TLE2: variants seen among roughly 807,000 people sequenced by gnomAD.
The protein encoded by TLE2 is TLE family member 2, transcriptional corepressor.
Under a neutral mutation model 97.2 loss-of-function variants are expected in TLE2, and 74 were observed. That is an observed-to-expected ratio of 0.76 (90% CI 0.63 to 0.92). TLE2 has a LOEUF of 0.92. Ranked by LOEUF, TLE2 falls within the 40% of genes least tolerant of loss-of-function variation. The pLI is 0.00. For missense variants in TLE2, 1,038 were observed against 1,008.7 expected (o/e 1.03, Z -0.39); for synonymous variants, 499 against 432.1 (o/e 1.15, Z -1.92).
At chr19:3,002,633 G>A (rs2089388512) in intron 17 of TLE2, 130 bp from the exon 18 acceptor site, 1 of 1,104,316 alleles carries the variant, frequency 9.1e-7, no homozygotes, top group African/African-American at 1.6e-5. Context: ...TGACCTCCAG[G>A]GCTCAAGAGA....
chr19:3,028,199 G>C (rs142034755), intron 3 of TLE2, 120 bp downstream of exon 3: 15,987 of 1,096,178 alleles, frequency 0.015, 130 homozygotes, highest in Non-Finnish European at 0.017. Context: ...ATCCCAACCT[G>C]CCCAATGTAC....
upstream of TLE2, chr19:3,029,558 C>T: frequency 8.9e-6 from 2 of 225,156 alleles, no homozygotes; most frequent in Non-Finnish European, 1.2e-5. Context: ...ACCGTGGGAG[C>T]GGGGGGGGGG....
intron 15 of TLE2, 49 bp downstream of exon 15, chr19:3,006,370 GC>G (rs921891785): frequency 7.6e-6 from 12 of 1,582,846 alleles, no homozygotes; most frequent in Non-Finnish European, 1.0e-5. Flanking sequence ...TGGAACATAA[GC>G]CCCACCCCTC....
intron 1 of TLE2, among the ~76,000 whole-genome samples, chr19:3,039,222 C>G (rs2090082760): frequency 9.3e-6 from 1 of 107,004 alleles, no homozygotes; most frequent in Non-Finnish European, 1.9e-5. Flanking sequence ...CCTTTCCCCA[C>G]TCCAAAAAAA....
At chr19:3,023,239 T>C (rs2089881239) in intron 5 of TLE2, among the ~76,000 whole-genome samples, 2 of 152,106 alleles carry the variant, frequency 1.3e-5, no homozygotes, top group Non-Finnish European at 2.9e-5. Flanking sequence ...GGTTTCACCA[T>C]ACTGGCCAGG....
intron 7 of TLE2, among the ~76,000 whole-genome samples, chr19:3,018,599 T>A (rs1955151433): frequency 6.6e-6 from 1 of 150,380 alleles, no homozygotes; most frequent in Non-Finnish European, 1.5e-5. Context: ...GGCTATCTAT[T>A]TTTATTTATT....
chr19:3,028,030 G>A (rs1424774097), intron 3 of TLE2, among the ~76,000 whole-genome samples, 157 bp from the exon 4 acceptor site: 2 of 152,020 alleles, frequency 1.3e-5, no homozygotes, highest in Non-Finnish European at 2.9e-5. Context: ...AGGAGGAAGC[G>A]GGGGCTCTGC....
chr19:3,005,401 A>G (rs763546813), intron 17 of TLE2, 36 bp downstream of exon 17: 2 of 1,608,116 alleles, frequency 1.2e-6, no homozygotes, highest in Admixed American at 1.7e-5. Context: ...GTATTCCTAG[A>G]GCTTCCATCC....
chr19:3,020,012 G>C (rs2089804537), intron 5 of TLE2: 2 of 572,228 alleles, frequency 3.5e-6, no homozygotes, highest in Non-Finnish European at 6.1e-6. Context: ...GCCGGGCATG[G>C]TGGCTCACGC....
At chr19:3,007,166 C>T (rs1485054520) in intron 14 of TLE2, among the ~76,000 whole-genome samples, 1 of 151,988 alleles carries the variant, frequency 6.6e-6, no homozygotes, top group African/African-American at 2.4e-5. Flanking sequence ...GGACTCACTG[C>T]AAACTCTGCT....
intron 1 of TLE2, among the ~76,000 whole-genome samples, chr19:3,035,590 A>G (rs1193208114): frequency 6.6e-6 from 1 of 151,452 alleles, no homozygotes; most frequent in African/African-American, 2.4e-5. Flanking sequence ...GATTGCTCAG[A>G]CCACCTTAAA....
chr19:3,042,751 C>T (rs550124549), intron 1 of TLE2, among the ~76,000 whole-genome samples: 27 of 152,226 alleles, frequency 1.8e-4, no homozygotes, highest in African/African-American at 6.5e-4. Flanking sequence ...AAGCTGTTCT[C>T]ATTAAGCACC....
chr19:3,002,535 G>A (rs556114214), intron 17 of TLE2, 32 bp from the exon 18 acceptor site: 33 of 1,541,526 alleles, frequency 2.1e-5, no homozygotes, highest in African/African-American at 9.6e-5. Context: ...ATGGGGTCAC[G>A]AGCCCCTCTT....
At chr19:3,041,488 C>T (rs1330157936) in intron 1 of TLE2, among the ~76,000 whole-genome samples, 1 of 152,160 alleles carries the variant, frequency 6.6e-6, no homozygotes, top group African/African-American at 2.4e-5. Flanking sequence ...AGAGCCACCT[C>T]CCAACATGGG....
At chr19:3,026,455 TAAAAAAAA>T (rs34783402) in intron 4 of TLE2, among the ~76,000 whole-genome samples, 1 of 111,320 alleles carries the variant, frequency 9.0e-6, no homozygotes, top group Non-Finnish European at 1.9e-5. Flanking sequence ...TCTCAAAATT[TAAAAAAAA>T]AAAAAAAAAA....
At chr19:3,016,030 G>A (rs1040555659) in intron 8 of TLE2, 10 of 532,864 alleles carry the variant, frequency 1.9e-5, no homozygotes, top group South Asian at 1.4e-4. Context: ...CCCGCCTCCC[G>A]GGTTCAAGCG....
At chr19:3,014,495 G>T (rs866160031) in intron 10 of TLE2, 75 bp downstream of exon 10, 6 of 1,361,746 alleles carry the variant, frequency 4.4e-6, no homozygotes, top group Admixed American at 2.7e-5. Context: ...ACTACCTCTG[G>T]GTCCTCCCAG....
chr19:3,045,913 A>G, upstream of TLE2: 1 of 315,430 alleles, frequency 3.2e-6, no homozygotes, highest in Non-Finnish European at 6.5e-6. Context: ...TTAGAGCCTC[A>G]GTTTCCTTAT....
At position 3,005,717 on chromosome 19, in the gene TLE2, C is replaced by G; in HGVS notation, c.1748+4G>C. 6.2e-7 allele frequency: 1 copy of G among 1,611,690 alleles called. No individual in the cohort carries two copies. Among genetic ancestry groups the G allele is most frequent in the Non-Finnish European group, 8.5e-7 (1 of 1,178,148 alleles). ...CCCAAGGTCCCAGCGCACCTGCCAC[C>G]CACCTGACCATAGTCTGATTCTGCA... On this transcript the variant is annotated splice_donor_region_variant and intron_variant, in intron 16 of 19. Coordinates refer to ENST00000262953, the MANE Select transcript of TLE2 (RefSeq NM_003260.5).
Sources: allele counts gnomAD v4.1 joint callset (sites outside exome capture counted in the v4.1 genomes callset), GRCh38; gene constraint gnomAD v4.1.1; transcripts MANE v1.5; gene names NCBI Gene and HGNC (gene_info 2026-07-23, HGNC 2026-07-21).